Variants in ANXA11 observed in about 807,000 individuals in gnomAD.
ANXA11 encodes 56 kDa autoantigen.
In ANXA11, 57 loss-of-function variants were observed where a neutral mutation model predicts 64.7. The ratio of observed to expected loss-of-function variants is 0.88; its 90% confidence interval spans 0.71 to 1.10. The LOEUF (loss-of-function observed/expected upper bound fraction) is 1.10, where lower values mean the gene tolerates loss of function less well. Ranked by LOEUF, ANXA11 falls within the 50% of genes least tolerant of loss-of-function variation. The pLI is 0.00. For missense variants in ANXA11, 675 were observed against 670.7 expected (o/e 1.01, Z -0.07); for synonymous variants, 260 against 265.2 (o/e 0.98, Z 0.19).
At chr10:80,165,260 C>G (rs959044710) in intron 8 of ANXA11, among the ~76,000 whole-genome samples, 8 of 152,234 alleles carry the variant, frequency 5.3e-5, no homozygotes, top group Non-Finnish European at 2.9e-5. Flanking sequence ...GGAACATTCA[C>G]TGTGCTTATC....
chr10:80,161,824 C>A, intron 12 of ANXA11, 111 bp downstream of exon 12: 1 of 931,124 alleles, frequency 1.1e-6, no homozygotes. Flanking sequence ...TTTGAGGAGG[C>A]GAAAGCCCCA....
intron 13 of ANXA11, among the ~76,000 whole-genome samples, chr10:80,158,588 A>T (rs1205671775): frequency 6.6e-6 from 1 of 152,220 alleles, no homozygotes; most frequent in African/African-American, 2.4e-5. Context: ...TGAGGGCCTC[A>T]GGGCAGGGAC....
intron 1 of ANXA11, among the ~76,000 whole-genome samples, chr10:80,192,042 T>G (rs1846799933): frequency 6.6e-6 from 1 of 152,188 alleles, no homozygotes; most frequent in Non-Finnish European, 1.5e-5. Flanking sequence ...AGAGGCTTCC[T>G]GTCCTCAGAG....
chr10:80,166,063 C>A (rs745798043), intron 8 of ANXA11, 21 bp downstream of exon 8: 2 of 1,336,674 alleles, frequency 1.5e-6, no homozygotes, highest in South Asian at 2.4e-5. Flanking sequence ...CACACACACA[C>A]ACACACACAC....
intron 1 of ANXA11, among the ~76,000 whole-genome samples, chr10:80,202,202 G>GT (rs112089146): frequency 6.8e-6 from 1 of 147,646 alleles, no homozygotes; most frequent in African/African-American, 2.6e-5. Context: ...CTGTGGGGGG[G>GT]AAGCGGGGGG....
intron 1 of ANXA11, among the ~76,000 whole-genome samples, chr10:80,189,278 C>G (rs1846670953): frequency 6.6e-6 from 1 of 152,160 alleles, no homozygotes; most frequent in African/African-American, 2.4e-5. Context: ...GGGCCAAGTG[C>G]CACGGAACTC....
intron 7 of ANXA11, 190 bp from the exon 8 acceptor site, chr10:80,166,387 C>A (rs1845741815): frequency 1.6e-5 from 9 of 555,046 alleles, no homozygotes; most frequent in Non-Finnish European, 2.9e-5. Context: ...CCACATTTTA[C>A]CAAGATGCCC....
chr10:80,171,171 G>A (rs576842370), intron 3 of ANXA11: 3 of 1,352,002 alleles, frequency 2.2e-6, no homozygotes, highest in Admixed American at 3.2e-5. Flanking sequence ...CCTCTGTGGG[G>A]TATTAAGGAG....
chr10:80,174,719 G>A (rs1846105357), intron 2 of ANXA11, among the ~76,000 whole-genome samples: 1 of 152,028 alleles, frequency 6.6e-6, no homozygotes, highest in Non-Finnish European at 1.5e-5. Flanking sequence ...AACCATCCCT[G>A]GCTAATTTTT....
At chr10:80,181,267 A>AT (rs1429270408) in intron 1 of ANXA11, 3 of 152,174 alleles carry the variant, frequency 2.0e-5, no homozygotes, top group Non-Finnish European at 4.4e-5. Flanking sequence ...CCTGGGCAAC[A>AT]TAATGAGACC....
intron 2 of ANXA11, among the ~76,000 whole-genome samples, chr10:80,173,476 CCT>C (rs1292475534): frequency 6.6e-6 from 1 of 152,190 alleles, no homozygotes; most frequent in African/African-American, 2.4e-5. Flanking sequence ...GCAGCATCAC[CCT>C]GTTTCTGCAG....
chr10:80,188,841 C>A (rs1846653126), intron 1 of ANXA11, among the ~76,000 whole-genome samples: 1 of 152,128 alleles, frequency 6.6e-6, no homozygotes. Flanking sequence ...GGTCACAGAT[C>A]CTGGGCACAC....
intron 1 of ANXA11, among the ~76,000 whole-genome samples, chr10:80,186,886 C>T (rs1309750924): frequency 6.6e-6 from 1 of 152,236 alleles, no homozygotes; most frequent in African/African-American, 2.4e-5. Flanking sequence ...GCAGAGTCAC[C>T]TCTGAGGCCT....
rs746498821 is a variant in ANXA11, at chr10:80,166,036, ACGCG to A, written c.858+44_858+47del. On this transcript the variant is annotated intron_variant, in intron 8 of 15. Transcript: ENST00000422982. ...CACACGCATGCGCGCGTGCGCACAC[ACGCG>A]CGCACACACACACACACACACACAC... 1,414 of 973,220 alleles carry A rather than the reference ACGCG, an allele frequency of 1.5e-3. 10 individuals are homozygous for A. The African/African-American group carries it at 0.021, about 14-fold the overall frequency. The allele number at this position is 973,220 out of a possible 1,614,324, so 60.3% of individuals were successfully genotyped here.
chr10:80,173,417 GC>G (rs1589432763), intron 2 of ANXA11, among the ~76,000 whole-genome samples: 1 of 152,198 alleles, frequency 6.6e-6, no homozygotes, highest in African/African-American at 2.4e-5. Flanking sequence ...AGCAAAAAGG[GC>G]CCTCAGGAGG....
Position 80,205,473 on chromosome 10 carries a change from G to GCGGGGCACT in ANXA11, c.-197_-189dup, listed in dbSNP as rs1840635745. 13 of 152,066 alleles carry GCGGGGCACT rather than the reference G, an allele frequency of 8.5e-5. No homozygotes were observed. In the East Asian group the frequency reaches 9.7e-4, roughly 11 times the overall value. 9.4% of individuals were successfully genotyped at this position (152,066 alleles called of 1,614,324 possible). A position where few individuals can be genotyped will look rare whatever the true frequency, so the allele number is the denominator to read the frequency against. The stretch of plus-strand genomic sequence containing the variant: ...GGTCCCACTCCCGCTCGCGGGGCCC[G>GCGGGGCACT]CGGGGCACTCGGGGCACTGGGGAGC... On this transcript the variant is annotated 5_prime_UTR_variant, in exon 1 of 16. Coordinates refer to ENST00000422982, the MANE Select transcript of ANXA11 (RefSeq NM_145868.2).
At chr10:80,192,061 G>T (rs529376936) in intron 1 of ANXA11, among the ~76,000 whole-genome samples, 1 of 152,208 alleles carries the variant, frequency 6.6e-6, no homozygotes, top group Non-Finnish European at 1.5e-5. Context: ...AGCTGCTGGC[G>T]GACTCAGGCC....
chr10:80,159,438 G>T (rs1845416939), intron 12 of ANXA11, among the ~76,000 whole-genome samples: 5 of 152,228 alleles, frequency 3.3e-5, no homozygotes, highest in Admixed American at 3.3e-4. Flanking sequence ...GCAGAGGAAA[G>T]ACCATGTGAG....
intron 8 of ANXA11, among the ~76,000 whole-genome samples, chr10:80,165,762 C>A (rs1845693108): frequency 6.6e-6 from 1 of 152,228 alleles, no homozygotes; most frequent in South Asian, 2.1e-4. Flanking sequence ...GGCCTCCTAC[C>A]CCTCTTCTTA....
Sources: gnomAD v4.1 joint callset for allele counts (sites outside exome capture counted in the v4.1 genomes callset) on GRCh38, gnomAD v4.1.1 for gene constraint, MANE v1.5 for transcripts, NCBI Gene and HGNC (gene_info 2026-07-23, HGNC 2026-07-21) for gene names.